Variants in CADM2 observed in about 807,000 individuals in gnomAD.
CADM2 encodes immunoglobulin superfamily member 4D.
In CADM2, 12 loss-of-function variants were observed where a neutral mutation model predicts 49.8. That is an observed-to-expected ratio of 0.24 (90% CI 0.15 to 0.39). The LOEUF (loss-of-function observed/expected upper bound fraction) is 0.39, where lower values mean the gene tolerates loss of function less well. CADM2 is among the 10% of genes least tolerant of loss of function. The pLI, the probability that CADM2 is intolerant of heterozygous loss-of-function variation, is 1.00. For missense variants in CADM2, 378 were observed against 492.3 expected, an observed-to-expected ratio of 0.77 and a Z score of 2.20; for synonymous variants, 214 against 175.4, an observed-to-expected ratio of 1.22 and a Z score of -1.74.
intron 1 of CADM2, among the ~76,000 whole-genome samples, chr3:85,552,366 GTTTTTTTTTTTT>G (rs36014885): frequency 1.6e-4 from 14 of 87,584 alleles, no homozygotes; most frequent in African/African-American, 6.0e-4. Context: ...ACTTTGAAAA[GTTTTTTTTTTTT>G]TTTTTTTTTT....
At chr3:85,567,830 T>A (rs2062314469) in intron 1 of CADM2, among the ~76,000 whole-genome samples, 1 of 152,152 alleles carries the variant, frequency 6.6e-6, no homozygotes, top group Non-Finnish European at 1.5e-5. Flanking sequence ...ATGGTGTGAA[T>A]CTCAGTCTGA....
At chr3:85,032,857 A>G (rs2035046796) in intron 1 of CADM2, among the ~76,000 whole-genome samples, 1 of 152,170 alleles carries the variant, frequency 6.6e-6, no homozygotes, top group African/African-American at 2.4e-5. Flanking sequence ...CTTCCTGCCA[A>G]TTTAATGAAA....
chr3:85,730,586 A>G (rs1398798533), intron 2 of CADM2, among the ~76,000 whole-genome samples: 1 of 152,194 alleles, frequency 6.6e-6, no homozygotes, highest in Non-Finnish European at 1.5e-5. Flanking sequence ...CTACATTTGT[A>G]TATCATGCTG....
intron 1 of CADM2, among the ~76,000 whole-genome samples, chr3:85,699,640 A>G (rs2066686246): frequency 6.6e-6 from 1 of 152,198 alleles, no homozygotes. Flanking sequence ...GCTGGGATGC[A>G]GGGAGCATTG....
chr3:85,744,466 C>G (rs1343409632), intron 2 of CADM2, among the ~76,000 whole-genome samples: 1 of 151,644 alleles, frequency 6.6e-6, no homozygotes, highest in Admixed American at 6.6e-5. Context: ...CAAAATATCT[C>G]ATATAACCCA....
chr3:85,763,884 T>G (rs2107913822), intron 2 of CADM2, among the ~76,000 whole-genome samples: 1 of 152,240 alleles, frequency 6.6e-6, no homozygotes, highest in African/African-American at 2.4e-5. Context: ...CTGGCAGTCT[T>G]ACCACATCCC....
chr3:85,807,253 C>G (rs191028382), intron 3 of CADM2, among the ~76,000 whole-genome samples: 1 of 152,142 alleles, frequency 6.6e-6, no homozygotes, highest in Non-Finnish European at 1.5e-5. Flanking sequence ...AATCCCAGCA[C>G]TTTGGGAGGC....
At chr3:85,256,293 C>T (rs1257217314) in intron 1 of CADM2, among the ~76,000 whole-genome samples, 1 of 152,024 alleles carries the variant, frequency 6.6e-6, no homozygotes, top group Non-Finnish European at 1.5e-5. Flanking sequence ...ATAGTAGCAT[C>T]TCCCAACAAG....
At chr3:85,321,723 C>T (rs9831374) in intron 1 of CADM2, among the ~76,000 whole-genome samples, 34,066 of 151,950 alleles carry the variant, frequency 0.22, 4,850 homozygotes, top group Non-Finnish European at 0.32. Context: ...TCCATTAGTA[C>T]ATAAAGAATG....
intron 1 of CADM2, among the ~76,000 whole-genome samples, chr3:85,157,156 A>T (rs1169860006): frequency 6.6e-6 from 1 of 152,196 alleles, no homozygotes; most frequent in Non-Finnish European, 1.5e-5. Flanking sequence ...CTCTTCAAGG[A>T]GAACTACAAA....
At chr3:85,352,527 C>A (rs1328039638) in intron 1 of CADM2, among the ~76,000 whole-genome samples, 1 of 152,028 alleles carries the variant, frequency 6.6e-6, no homozygotes, top group Non-Finnish European at 1.5e-5. Context: ...ACCTTCACGG[C>A]TTCATTTATT....
intron 1 of CADM2, among the ~76,000 whole-genome samples, chr3:85,049,118 A>T (rs2035779151): frequency 6.6e-6 from 1 of 152,160 alleles, no homozygotes; most frequent in African/African-American, 2.4e-5. Context: ...TCCGATGAGG[A>T]TAATGGCTAA....
intron 1 of CADM2, among the ~76,000 whole-genome samples, chr3:85,050,924 A>T (rs2035856781): frequency 1.3e-5 from 2 of 152,158 alleles, no homozygotes; most frequent in African/African-American, 2.4e-5. Flanking sequence ...GGTTGCAGGG[A>T]TGTACTCCTT....
intron 3 of CADM2, among the ~76,000 whole-genome samples, chr3:85,804,024 A>C (rs377716987): frequency 1.1e-4 from 17 of 152,128 alleles, no homozygotes; most frequent in African/African-American, 3.9e-4. Flanking sequence ...CTTTCCAACA[A>C]ATGAAGTTCT....
intron 1 of CADM2, among the ~76,000 whole-genome samples, chr3:85,632,673 G>C (rs2064348200): frequency 6.6e-6 from 1 of 151,998 alleles, no homozygotes; most frequent in Non-Finnish European, 1.5e-5. Context: ...TAAATGTCTT[G>C]ATTTCATTAT....
At chr3:84,991,550 A>G (rs1225906240) in intron 1 of CADM2, among the ~76,000 whole-genome samples, 1 of 152,208 alleles carries the variant, frequency 6.6e-6, no homozygotes, top group Non-Finnish European at 1.5e-5. Flanking sequence ...GCCAAAATCC[A>G]GAACACTGAC....
chr3:85,124,619 C>G (rs1005902165), intron 1 of CADM2, among the ~76,000 whole-genome samples: 4 of 152,012 alleles, frequency 2.6e-5, no homozygotes, highest in Non-Finnish European at 5.9e-5. Flanking sequence ...AACAAACTAA[C>G]TAACAAACAA....
intron 1 of CADM2, among the ~76,000 whole-genome samples, chr3:85,203,263 A>C (rs1433165940): frequency 6.6e-6 from 1 of 152,124 alleles, no homozygotes; most frequent in Non-Finnish European, 1.5e-5. Flanking sequence ...CCAGCTTTCC[A>C]TTTAAAGTGA....
At chr3:85,801,986 T>TCGGGGGG in intron 2 of CADM2, 61 bp from the exon 3 acceptor site, 1 of 1,415,018 alleles carries the variant, frequency 7.1e-7, no homozygotes, top group Non-Finnish European at 9.7e-7. Context: ...AGTGTAGATC[T>TCGGGGGG]TAGGCAGTTA....
Sources: gnomAD v4.1 joint callset for allele counts (sites outside exome capture counted in the v4.1 genomes callset) on GRCh38, gnomAD v4.1.1 for gene constraint, MANE v1.5 for transcripts, NCBI Gene and HGNC (gene_info 2026-07-23, HGNC 2026-07-21) for gene names.